RIMBP2: variants seen among roughly 807,000 people sequenced by gnomAD.
RIMBP2 encodes the protein RIMS-binding protein 2.
RIMBP2 carries 48 observed loss-of-function variants against 118.6 expected under a neutral mutation model. That is an observed-to-expected ratio of 0.40 (90% CI 0.32 to 0.51). The LOEUF is 0.51. Ranked by LOEUF, RIMBP2 falls within the 20% of genes least tolerant of loss-of-function variation. RIMBP2 has a pLI of 0.41. For synonymous variants in RIMBP2, 762 were observed against 742.9 expected (o/e 1.03, Z -0.42); for missense variants, 1,551 against 1,768.3 (o/e 0.88, Z 2.20).
chr12:130,694,507 C>A (rs1291570433), intron 1 of RIMBP2, among the ~76,000 whole-genome samples: 9 of 152,220 alleles, frequency 5.9e-5, no homozygotes, highest in Non-Finnish European at 1.5e-5. Context: ...TCACTGTGTG[C>A]TTCTCTCCTT....
rs949628324 is a variant in RIMBP2, at chr12:130,620,446, A to T, written c.-217+7876T>A. On this transcript the variant is annotated intron_variant, in intron 2 of 22. Transcript: ENST00000690449. The surrounding 1 kb of genome is among the most constrained non-coding windows in gnomAD (Gnocchi z 5.3). ...CCAGCACCAGGTTCTGCTGCGTGCA[A>T]CCAGAGACCTCACGTTAGTTTCCTC... Among the ~76,000 whole-genome samples, 4 of 152,136 alleles carry T rather than the reference A, an allele frequency of 2.6e-5. No homozygotes were observed. Among genetic ancestry groups the T allele is most frequent in the African/African-American group, 9.7e-5 (4 of 41,422 alleles).
chr12:130,603,615 G>C (rs1162226789), intron 2 of RIMBP2, among the ~76,000 whole-genome samples: 3 of 152,298 alleles, frequency 2.0e-5, no homozygotes, highest in South Asian at 4.1e-4. Flanking sequence ...TTGCAGTCAC[G>C]AGCTGAGGAA....
At chr12:130,619,856 G>A (rs1166782402) in intron 2 of RIMBP2, among the ~76,000 whole-genome samples, 1 of 152,184 alleles carries the variant, frequency 6.6e-6, no homozygotes, top group African/African-American at 2.4e-5. Flanking sequence ...CACAGGCCTG[G>A]GGTGGACAGC....
chr12:130,450,297 G>T lies in RIMBP2; in HGVS notation c.505-21C>A. 1 of 1,582,062 alleles carries T rather than the reference G, an allele frequency of 6.3e-7. No individual in the cohort carries two copies. The highest frequency in any genetic ancestry group is 8.6e-7 in the Non-Finnish European group (1 of 1,156,152). ...TCCATCTGTGAAAAAGGCAATGGGT[G>T]TGTGGGTTATTGAAGCTGGAGGTGT... On this transcript the variant is annotated intron_variant, in intron 8 of 22. Transcript: ENST00000690449. This position sits in a 1 kb window ranked among gnomAD's most constrained non-coding sequence, Gnocchi z 4.8.
intron 2 of RIMBP2, among the ~76,000 whole-genome samples, chr12:130,539,511 G>C (rs902641679): frequency 2.0e-5 from 3 of 152,254 alleles, no homozygotes; most frequent in Non-Finnish European, 4.4e-5. Context: ...AAGCTGGGGA[G>C]AGGGCATCAT....
chr12:130,544,596 C>CT (rs35041449), intron 2 of RIMBP2, among the ~76,000 whole-genome samples: 64,931 of 100,300 alleles, frequency 0.65, 21,816 homozygotes, highest in Admixed American at 0.76. Context: ...AACTGGAGGC[C>CT]TTTTTTTTTT....
At chr12:130,453,444 C>T (rs207473547) in intron 7 of RIMBP2, among the ~76,000 whole-genome samples, 7 of 152,224 alleles carry the variant, frequency 4.6e-5, no homozygotes, top group Admixed American at 1.3e-4. Flanking sequence ...GGAAGATCTG[C>T]GGCAGATGAA....
Position 130,418,573 on chromosome 12 carries a change from G to A in RIMBP2, c.3238+3880C>T, listed in dbSNP as rs79207015. On this transcript the variant is annotated intron_variant, in intron 17 of 22. Coordinates refer to ENST00000690449, the MANE Select transcript of RIMBP2 (RefSeq NM_001393629.1). ...CCAGGTACGGAAAAATGCCAGTGGA[G>A]GAGAACCTCTGGCTACACCATTTTC... 5.8e-3 allele frequency among the ~76,000 whole-genome samples: 882 copies of A among 152,270 alleles called. 12 individuals carry two copies. The highest frequency in any genetic ancestry group is 0.02 in the African/African-American group (845 of 41,538).
intron 21 of RIMBP2, among the ~76,000 whole-genome samples, chr12:130,401,092 CT>C (rs2074498278): frequency 1.3e-5 from 2 of 152,038 alleles, no homozygotes; most frequent in African/African-American, 4.8e-5. Context: ...CACTACTGAA[CT>C]ATATACTTAA....
At chr12:130,685,537 CT>C (rs768763038) in intron 1 of RIMBP2, among the ~76,000 whole-genome samples, 9 of 152,236 alleles carry the variant, frequency 5.9e-5, no homozygotes, top group African/African-American at 4.8e-5. Flanking sequence ...ATCTCTGCCC[CT>C]GGAAGACTGA....
chr12:130,702,974 C>T (rs1265497656), intron 1 of RIMBP2, among the ~76,000 whole-genome samples: 1 of 152,122 alleles, frequency 6.6e-6, no homozygotes, highest in Admixed American at 6.5e-5. Flanking sequence ...TTCTTTCCTC[C>T]TGGGCTGAGA....
At chr12:130,572,246 G>C (rs1480017733) in intron 2 of RIMBP2, among the ~76,000 whole-genome samples, 1 of 92,734 alleles carries the variant, frequency 1.1e-5, no homozygotes, top group Non-Finnish European at 2.9e-5. Context: ...CCCACTGCAC[G>C]CACCACGGAG....
At chr12:130,462,043 T>C (rs754047923) in intron 6 of RIMBP2, among the ~76,000 whole-genome samples, 1 of 152,210 alleles carries the variant, frequency 6.6e-6, no homozygotes, top group Non-Finnish European at 1.5e-5. Context: ...TAGAGATGGC[T>C]GCAGGCTGTG....
chr12:130,462,839 T>C (rs75369162), intron 6 of RIMBP2, among the ~76,000 whole-genome samples: 1 of 152,220 alleles, frequency 6.6e-6, no homozygotes, highest in East Asian at 1.9e-4. Context: ...CGTAAATGCT[T>C]GTCTGATGGG....
chr12:130,501,409 G>T (rs1276962911), intron 4 of RIMBP2, among the ~76,000 whole-genome samples: 2 of 152,158 alleles, frequency 1.3e-5, no homozygotes, highest in African/African-American at 2.4e-5. Flanking sequence ...GTCACTCCCT[G>T]CATCTGAGGT....
chr12:130,595,316 T>TG (rs1373634800), intron 2 of RIMBP2, among the ~76,000 whole-genome samples: 1 of 151,932 alleles, frequency 6.6e-6, no homozygotes, highest in Non-Finnish European at 1.5e-5. Flanking sequence ...CCCAGCACTT[T>TG]GGGAGGCCGA....
intron 6 of RIMBP2, among the ~76,000 whole-genome samples, chr12:130,461,486 G>C (rs779488820): frequency 6.6e-6 from 1 of 152,162 alleles, no homozygotes; most frequent in Non-Finnish European, 1.5e-5. Flanking sequence ...AGGAGCAGCA[G>C]GGCATTGTCC....
In RIMBP2 at chr12:130,442,424, C is replaced by G; in HGVS notation, c.928G>C (p.Gly310Arg). The change falls in exon 11 of 23, where the codon GGA becomes CGA. Residue 310 changes from glycine to arginine, a missense_variant. By Grantham distance (125) the Gly-to-Arg change is moderately radical. This residue lies in a region of RIMBP2 where 265 missense variants were observed against 349.5 expected (regional missense o/e 0.76). Coordinates refer to ENST00000690449, the MANE Select transcript of RIMBP2 (RefSeq NM_001393629.1). The surrounding 1 kb of genome is among the most constrained non-coding windows in gnomAD (Gnocchi z 6.9). Reference protein sequence around the residue: ...GTLDVNIDDIGEDIVPYPRKI... With the variant: ...GTLDVNIDDIREDIVPYPRKI... Reference sequence around the variant, plus strand: ...CTAGGGTAAGGCACGATGTCTTCTCCGATGTCGTCGATGTTCACGTCCAGG... The same window carrying G: ...CTAGGGTAAGGCACGATGTCTTCTCGGATGTCGTCGATGTTCACGTCCAGG... 6.2e-7 allele frequency: 1 copy of G among 1,614,126 alleles called. No individual in the cohort carries two copies. The highest frequency in any genetic ancestry group is 2.2e-5 in the East Asian group (1 of 44,868).
chr12:130,664,340 TACAC>T (rs367974069), intron 1 of RIMBP2, among the ~76,000 whole-genome samples: 3 of 149,500 alleles, frequency 2.0e-5, no homozygotes, highest in East Asian at 2.0e-4. Context: ...GACACAGAAA[TACAC>T]ACACACATGC....
Sources: allele counts gnomAD v4.1 joint callset (sites outside exome capture counted in the v4.1 genomes callset), GRCh38; gene constraint gnomAD v4.1.1; regional missense constraint gnomAD v4.1.1; non-coding constraint Gnocchi (gnomAD v3.1); transcripts MANE v1.5; gene names NCBI Gene and HGNC (gene_info 2026-07-23, HGNC 2026-07-21).